The following ANGPTL2 variants were observed in gnomAD, a reference collection of about 807,000 sequenced individuals.
The protein encoded by ANGPTL2 is angiopoietin-related protein 2.
Under a neutral mutation model 52.8 loss-of-function variants are expected in ANGPTL2, and 25 were observed. That is an observed-to-expected ratio of 0.47 (90% CI 0.35 to 0.66). ANGPTL2 has a LOEUF of 0.66. Ranked by LOEUF, ANGPTL2 falls within the 30% of genes least tolerant of loss-of-function variation. The probability of loss-of-function intolerance (pLI) is 0.01; values close to 1 mark genes in which losing one functional copy is unlikely to be tolerated. For synonymous variants in ANGPTL2, 276 were observed against 277.4 expected, an observed-to-expected ratio of 1.00 and a Z score of 0.05; for missense variants, 546 against 656.9, an observed-to-expected ratio of 0.83 and a Z score of 1.84.
At position 127,121,171 on chromosome 9, in the gene ANGPTL2, T is replaced by A. The variant is rs188807359; in HGVS notation, c.-50+1144A>T. Among the ~76,000 whole-genome samples, 601 of 152,338 alleles carry A rather than the reference T, an allele frequency of 3.9e-3. 1 individual carries two copies. The highest frequency in any genetic ancestry group is 6.7e-3 in the Non-Finnish European group (454 of 68,038). On this transcript the variant is annotated intron_variant, in intron 1 of 4. Transcript: ENST00000373425. ...GGGTGGTCATGAGGATTCTACAAGT[T>A]GAGTCTGGCATAGAGTAAGTGCAAT... is the stretch of plus-strand genomic sequence containing the variant.
At chr9:127,106,601 C>T (rs184802255) in intron 2 of ANGPTL2, among the ~76,000 whole-genome samples, 16 of 152,300 alleles carry the variant, frequency 1.1e-4, no homozygotes, top group Admixed American at 7.8e-4. Context: ...TGGTGGAAAC[C>T]GGATTTAAAT....
At chr9:127,089,191 C>G (rs1009555657) in intron 4 of ANGPTL2, 53 bp from the exon 5 acceptor site, 3 of 1,588,550 alleles carry the variant, frequency 1.9e-6, no homozygotes, top group Middle Eastern at 1.8e-4. Flanking sequence ...ATTCTACTTG[C>G]GTCCATAGTG....
rs942106788 is a variant in ANGPTL2, at chr9:127,093,849, T to G, written c.895A>C (p.Thr299Pro). ...SSIYLVKPEN[T>P]NRLMQVWCDQ... ...CACCACACCTGCATGAGGCGGTTGG[T>G]GTTCTCCGGCTTCACCAGGTAGATG... Residue 299 changes from threonine to proline, a missense_variant, in exon 3 of 5, where the codon ACC becomes CCC. By Grantham distance (38) the Thr-to-Pro change is conservative. Transcript: ENST00000373425. The G allele has an allele frequency of 6.2e-7, 1 of 1,614,072 alleles. No homozygotes were observed. The highest frequency in any genetic ancestry group is 8.5e-7 in the Non-Finnish European group (1 of 1,180,014).
rs117912038 is a variant in ANGPTL2 at position 127,095,683 on chromosome 9, C to T, written c.818-1757G>A. Among the ~76,000 whole-genome samples the T allele has an allele frequency of 6.8e-4, 104 of 152,266 alleles. No homozygotes were observed. The East Asian group carries it at 0.019, about 28-fold the overall frequency. On this transcript the variant is annotated intron_variant, in intron 2 of 4. Transcript: ENST00000373425. ...TCTGTGTGAGTTGAAGGGAGGTGCCCATCAGTGACAGGTATACTCAGCTTT... is the reference window on the plus strand; with the variant it reads ...TCTGTGTGAGTTGAAGGGAGGTGCCTATCAGTGACAGGTATACTCAGCTTT...
In ANGPTL2 at chr9:127,088,623, T is replaced by C. The variant is rs1397641435; in HGVS notation, c.*316A>G. On this transcript the variant is annotated 3_prime_UTR_variant, in exon 5 of 5. Transcript: ENST00000373425. ...CGTGCACAAGGGAGGCTCATACACA[T>C]GTATATTATGAAGGTACTTTGCAGT... The C allele has an allele frequency of 2.5e-6, 1 of 403,832 alleles. No homozygotes were observed. Among genetic ancestry groups the C allele is most frequent in the Non-Finnish European group, 4.6e-6 (1 of 218,924 alleles). The allele number at this position is 403,832 out of a possible 1,614,324, so 25.0% of individuals were successfully genotyped here. A position where few individuals can be genotyped will look rare whatever the true frequency, so the allele number is the denominator to read the frequency against.
chr9:127,096,006 G>A (rs1430678212), intron 2 of ANGPTL2, among the ~76,000 whole-genome samples: 1 of 152,162 alleles, frequency 6.6e-6, no homozygotes, highest in Non-Finnish European at 1.5e-5. Context: ...ATCTTCTGGG[G>A]AGGAAGGATC....
Position 127,108,228 on chromosome 9 carries a change from G to A in ANGPTL2, c.504C>T (p.Asp168=). ...TGTACTTGCTGGCCAGCTGCAGCAT[G>A]TCGGCTGTCTGGTTCAGGATCCTGT... ...LENRILNQTA[D]MLQLASKYKD... Residue 168 remains aspartate (D), a synonymous_variant, in exon 2 of 5, where the codon GAC becomes GAT. Transcript: ENST00000373425. The A allele has an allele frequency of 6.2e-7, 1 of 1,614,102 alleles. No individual in the cohort carries two copies. Among genetic ancestry groups the A allele is most frequent in the Non-Finnish European group, 8.5e-7 (1 of 1,180,018 alleles).
chr9:127,088,539 GA>G lies in ANGPTL2; in HGVS notation c.*399del, dbSNP rs2136310131. On this transcript the variant is annotated 3_prime_UTR_variant, in exon 5 of 5. Coordinates refer to ENST00000373425, the MANE Select transcript of ANGPTL2 (RefSeq NM_012098.3). ...GGTATCTAAGGCAAACCTATATATG[GA>G]TCTAGATATATCACATGTGATGTAT... 1 of 234,970 alleles carries G rather than the reference GA, an allele frequency of 4.3e-6. No individual in the cohort carries two copies. The highest frequency in any genetic ancestry group is 1.1e-4 in the East Asian group (1 of 9,308). The allele number at this position is 234,970 out of a possible 1,614,324, so 14.6% of individuals were successfully genotyped here. A position where few individuals can be genotyped will look rare whatever the true frequency, so the allele number is the denominator to read the frequency against.
chr9:127,107,817 C>G, intron 2 of ANGPTL2, 98 bp downstream of exon 2: 2 of 1,303,420 alleles, frequency 1.5e-6, no homozygotes, highest in Middle Eastern at 2.8e-4. Flanking sequence ...GGCCTGGCTT[C>G]AACTGGCCAT....
rs2051977939 is a variant in ANGPTL2 at position 127,088,018 on chromosome 9, A to C, written c.*921T>G. The stretch of plus-strand genomic sequence containing the variant: ...TCCCAACCAGAAACCTGGAGCCCGG[A>C]GTGTTTCCTACTCAGAAGCTGAGGA... On this transcript the variant is annotated 3_prime_UTR_variant, in exon 5 of 5. Coordinates refer to ENST00000373425, the MANE Select transcript of ANGPTL2 (RefSeq NM_012098.3). The C allele has an allele frequency of 6.6e-6, 1 of 152,536 alleles. No individual in the cohort carries two copies. Among genetic ancestry groups the C allele is most frequent in the African/African-American group, 2.4e-5 (1 of 41,422 alleles). The allele number at this position is 152,536 out of a possible 1,614,324, so 9.4% of individuals were successfully genotyped here.
At chr9:127,097,113 C>T (rs1041638067) in intron 2 of ANGPTL2, among the ~76,000 whole-genome samples, 6 of 151,714 alleles carry the variant, frequency 4.0e-5, no homozygotes, top group East Asian at 1.9e-4. Context: ...AGTCAGCCAG[C>T]GAAAAAAATA....
At chr9:127,106,795 G>T (rs1156459705) in intron 2 of ANGPTL2, 1 of 152,218 alleles carries the variant, frequency 6.6e-6, no homozygotes, top group African/African-American at 2.4e-5. Context: ...CCCCTCTTTG[G>T]AATTAGCAAG....
intron 4 of ANGPTL2, among the ~76,000 whole-genome samples, chr9:127,090,165 G>A (rs1046087208): frequency 2.0e-5 from 3 of 152,198 alleles, no homozygotes; most frequent in Admixed American, 6.5e-5. Flanking sequence ...CCTTGGGCAC[G>A]CCATAACCAG....
chr9:127,118,043 C>G (rs1186059796), intron 1 of ANGPTL2, among the ~76,000 whole-genome samples: 3 of 152,162 alleles, frequency 2.0e-5, no homozygotes, highest in East Asian at 1.9e-4. Context: ...AGGCCTGGCT[C>G]CCCACACCCA....
At chr9:127,099,711 C>A (rs980359247) in intron 2 of ANGPTL2, among the ~76,000 whole-genome samples, 2 of 152,216 alleles carry the variant, frequency 1.3e-5, no homozygotes, top group African/African-American at 4.8e-5. Context: ...TCAATCACTG[C>A]TTTTCAGCGA....
At chr9:127,096,077 C>G (rs539842845) in intron 2 of ANGPTL2, among the ~76,000 whole-genome samples, 46 of 152,332 alleles carry the variant, frequency 3.0e-4, no homozygotes, top group African/African-American at 9.6e-4. Flanking sequence ...GGACCCAATG[C>G]TCCCCACCCC....
Position 127,090,332 on chromosome 9 carries a change from TC to T in ANGPTL2, c.1283-1195del, listed in dbSNP as rs1433338859. ...CAGAAAGGCTGTAGCAGCCCCTGTG[TC>T]CCAGGGTCTGACCAGCTCTGAAGGT... On this transcript the variant is annotated intron_variant, in intron 4 of 4. Coordinates refer to ENST00000373425, the MANE Select transcript of ANGPTL2 (RefSeq NM_012098.3). Among the ~76,000 whole-genome samples, 3 of 152,372 alleles carry T rather than the reference TC, an allele frequency of 2.0e-5. No individual in the cohort carries two copies. The East Asian group carries it at 5.8e-4, about 29-fold the overall frequency.
At chr9:127,112,149 C>G (rs1169826294) in intron 1 of ANGPTL2, among the ~76,000 whole-genome samples, 1 of 152,222 alleles carries the variant, frequency 6.6e-6, no homozygotes, top group Non-Finnish European at 1.5e-5. Context: ...ATGGCCTGCT[C>G]AGGCCTCTCT....
rs746452873 is a variant in ANGPTL2 at position 127,108,758 on chromosome 9, T to G, written c.-27A>C. 17 of 1,577,540 alleles carry G rather than the reference T, an allele frequency of 1.1e-5. 1 individual carries two copies. Among genetic ancestry groups the G allele is most frequent in the Middle Eastern group, 2.0e-4 (1 of 4,888 alleles). The stretch of plus-strand genomic sequence containing the variant: ...GTCCTTGCAAAATGGTGGTTATTCT[T>G]TGTGAATAGAATCTATGAAAGCCTG... On this transcript the variant is annotated 5_prime_UTR_variant, in exon 2 of 5. Coordinates refer to ENST00000373425, the MANE Select transcript of ANGPTL2 (RefSeq NM_012098.3).
Sources: allele counts gnomAD v4.1 joint callset (sites outside exome capture counted in the v4.1 genomes callset), GRCh38; gene constraint gnomAD v4.1.1; transcripts MANE v1.5; gene names NCBI Gene and HGNC (gene_info 2026-07-23, HGNC 2026-07-21).